FGD5: variants seen among roughly 807,000 people sequenced by gnomAD.
FGD5 encodes FYVE, RhoGEF and PH domain containing 5, also known as FYVE, RhoGEF and PH domain-containing protein 5.
Under a neutral mutation model 133.4 loss-of-function variants are expected in FGD5, and 28 were observed. The ratio of observed to expected loss-of-function variants is 0.21; its 90% CI spans 0.16 to 0.29. The LOEUF (loss-of-function observed/expected upper bound fraction) is 0.29. Ranked by LOEUF, FGD5 falls within the 10% of genes least tolerant of loss-of-function variation. The pLI is 1.00. For synonymous variants in FGD5, 810 were observed against 776.5 expected (o/e 1.04, Z -0.72); for missense variants, 1,858 against 1,895.2 (o/e 0.98, Z 0.36).
At chr3:14,933,091 G>A (rs1244563510) in intron 19 of FGD5, 40 bp from the exon 20 acceptor site, 1 of 1,607,038 alleles carries the variant, frequency 6.2e-7, no homozygotes, top group Admixed American at 1.7e-5. Flanking sequence ...GTCATAGGCA[G>A]AGCCGCAAAA....
chr3:14,887,632 C>T (rs565961504), intron 4 of FGD5, among the ~76,000 whole-genome samples: 20 of 152,150 alleles, frequency 1.3e-4, no homozygotes, highest in Non-Finnish European at 2.4e-4. Context: ...GGAAAGTCTC[C>T]GCCCTCAAGG....
upstream of FGD5, among the ~76,000 whole-genome samples, chr3:14,815,341 T>C (rs532207947): frequency 1.3e-5 from 2 of 149,054 alleles, no homozygotes; most frequent in East Asian, 1.9e-4. Context: ...GGTCACTCTA[T>C]CTAAAATCGC....
chr3:14,843,226 G>A (rs2036958481), intron 1 of FGD5, among the ~76,000 whole-genome samples: 1 of 152,140 alleles, frequency 6.6e-6, no homozygotes, highest in Non-Finnish European at 1.5e-5. Flanking sequence ...ACAGTACTTG[G>A]CACATAGCAG....
In FGD5 at chr3:14,820,904, C is replaced by G. The variant is rs746826458; in HGVS notation, c.1833C>G (p.Ser611=). The change falls in exon 1 of 20, where the codon TCC becomes TCG. Residue 611 remains serine, a synonymous_variant. Coordinates refer to ENST00000285046, the MANE Select transcript of FGD5 (RefSeq NM_152536.4). Reference sequence around the variant, plus strand: ...CCAGCGGCACCTCCACGCCTTCTTCCATGGTCGACATCCCACCTCCTTTCG... The same window carrying G: ...CCAGCGGCACCTCCACGCCTTCTTCGATGGTCGACATCCCACCTCCTTTCG... ...LPSSGTSTPS[S]MVDIPPPFDL... The G allele has an allele frequency of 6.8e-6, 11 of 1,613,730 alleles. No individual in the cohort carries two copies. In the Admixed American group the frequency reaches 1.3e-4, roughly 20 times the overall value.
At chr3:14,835,101 C>A (rs2036790124) in intron 1 of FGD5, among the ~76,000 whole-genome samples, 1 of 152,214 alleles carries the variant, frequency 6.6e-6, no homozygotes, top group South Asian at 2.1e-4. Flanking sequence ...CGGTGCTTTC[C>A]CCTGGCAAGC....
rs766721968 is a variant in FGD5, at chr3:14,820,804, G to A, written c.1733G>A (p.Arg578Lys). The A allele has an allele frequency of 3.7e-6, 6 of 1,613,884 alleles. No individual in the cohort carries two copies. The highest frequency in any genetic ancestry group is 1.3e-5 in the African/African-American group (1 of 75,016). Reference sequence around the variant, plus strand: ...GGGTTGGATGACCACAGGATAAAGAGGAAAGAGGACAATCTCTCTCTGTCG... The same window carrying A: ...GGGTTGGATGACCACAGGATAAAGAAGAAAGAGGACAATCTCTCTCTGTCG... ...GSGLDDHRIKRKEDNLSLSCV... is the reference protein window; with the variant it reads ...GSGLDDHRIKKKEDNLSLSCV... Residue 578 changes from arginine (R) to lysine (K), a missense_variant, in exon 1 of 20, where the codon AGG (arginine) becomes AAG (lysine). Arg to Lys is a conservative substitution (Grantham distance 26, BLOSUM62 2). Coordinates refer to ENST00000285046, the MANE Select transcript of FGD5 (RefSeq NM_152536.4).
chr3:14,867,683 T>C (rs1475340704), intron 2 of FGD5, among the ~76,000 whole-genome samples: 2 of 151,344 alleles, frequency 1.3e-5, no homozygotes, highest in Admixed American at 6.6e-5. Flanking sequence ...TCCCCACTTT[T>C]CTGCAGGAAG....
rs1304174222 is a variant in FGD5 at position 14,934,360 on chromosome 3, C to G, written c.*1193C>G. On this transcript the variant is annotated 3_prime_UTR_variant, in exon 20 of 20. Transcript: ENST00000285046. ...GTGAGGGGTGGGATTCCTTGTTACTCTTACTGCAATAAAAATCAATTGTTT... is the reference window on the plus strand; with the variant it reads ...GTGAGGGGTGGGATTCCTTGTTACTGTTACTGCAATAAAAATCAATTGTTT... The G allele has an allele frequency of 6.6e-6, 1 of 152,164 alleles. No homozygotes were observed. The highest frequency in any genetic ancestry group is 1.5e-5 in the Non-Finnish European group (1 of 68,036). 9.4% of individuals were successfully genotyped at this position (152,164 alleles called of 1,614,324 possible).
intron 11 of FGD5, among the ~76,000 whole-genome samples, chr3:14,914,839 G>T (rs2038521312): frequency 6.6e-6 from 1 of 152,174 alleles, no homozygotes; most frequent in African/African-American, 2.4e-5. Context: ...GACTGTGGGA[G>T]TGCACGTTAG....
intron 10 of FGD5, among the ~76,000 whole-genome samples, chr3:14,910,127 G>A (rs1241428182): frequency 1.3e-5 from 2 of 152,084 alleles, no homozygotes; most frequent in African/African-American, 4.8e-5. Context: ...TACATAAAAT[G>A]AATTAGAAAC....
intron 1 of FGD5, among the ~76,000 whole-genome samples, chr3:14,827,848 C>T (rs2036631449): frequency 6.6e-6 from 1 of 152,148 alleles, no homozygotes; most frequent in Non-Finnish European, 1.5e-5. Context: ...AGGAGAACCT[C>T]AGAAGATTCT....
At chr3:14,845,484 G>C (rs1162770739) in intron 1 of FGD5, among the ~76,000 whole-genome samples, 1 of 152,214 alleles carries the variant, frequency 6.6e-6, no homozygotes. Flanking sequence ...TTGCATTGTT[G>C]CAGTTTTAGT....
chr3:14,872,261 G>T (rs373825776), intron 2 of FGD5, among the ~76,000 whole-genome samples: 2 of 105,660 alleles, frequency 1.9e-5, no homozygotes, highest in Admixed American at 1.1e-4. Context: ...TCTGAATGTT[G>T]TACTCTGAAT....
At chr3:14,898,152 GAAGGGCTT>G in intron 6 of FGD5, 57 bp downstream of exon 6, 1 of 1,604,824 alleles carries the variant, frequency 6.2e-7, no homozygotes. Context: ...TGAGGTGGGC[GAAGGGCTT>G]AATGCAAATC....
chr3:14,926,192 C>T lies in FGD5; in HGVS notation c.4191C>T (p.Ala1397=). 6.2e-7 allele frequency: 1 copy of T among 1,613,318 alleles called. No homozygotes were observed. The highest frequency in any genetic ancestry group is 8.5e-7 in the Non-Finnish European group (1 of 1,179,504). ...GCAAAGTTCTCTACACCTACATGGCCAGTGAGGTAGTAGTGATCTGCACTC... is the reference window on the plus strand; with the variant it reads ...GCAAAGTTCTCTACACCTACATGGCTAGTGAGGTAGTAGTGATCTGCACTC... ...IKGKVLYTYM[A]SEDKVALESM... The change falls in exon 18 of 20, where the codon GCC becomes GCT. Residue 1397 remains alanine (A), a synonymous_variant. Transcript: ENST00000285046.
At chr3:14,829,745 G>A (rs1005882977) in intron 1 of FGD5, among the ~76,000 whole-genome samples, 1 of 152,184 alleles carries the variant, frequency 6.6e-6, no homozygotes, top group Non-Finnish European at 1.5e-5. Flanking sequence ...CATCCAGACC[G>A]AGAATAGCGA....
At chr3:14,916,488 G>A (rs192954017) in intron 11 of FGD5, among the ~76,000 whole-genome samples, 12 of 152,318 alleles carry the variant, frequency 7.9e-5, no homozygotes, top group African/African-American at 2.6e-4. Flanking sequence ...AAGTACAGCA[G>A]CAAGCAGGGC....
intron 1 of FGD5, among the ~76,000 whole-genome samples, chr3:14,841,313 G>A (rs2036916755): frequency 6.6e-6 from 1 of 152,204 alleles, no homozygotes; most frequent in Non-Finnish European, 1.5e-5. Flanking sequence ...AAGACAGATG[G>A]AGTTACCGTC....
intron 1 of FGD5, among the ~76,000 whole-genome samples, chr3:14,848,026 G>A (rs760069285): frequency 6.6e-6 from 1 of 152,150 alleles, no homozygotes; most frequent in African/African-American, 2.4e-5. Context: ...CATTGTTGCC[G>A]GGCTCTGTCA....
Sources: allele counts gnomAD v4.1 joint callset (sites outside exome capture counted in the v4.1 genomes callset), GRCh38; gene constraint gnomAD v4.1.1; transcripts MANE v1.5; gene names NCBI Gene and HGNC (gene_info 2026-07-23, HGNC 2026-07-21).